TSPOAP1: variants seen among roughly 807,000 people sequenced by gnomAD.
TSPOAP1 encodes the protein peripheral-type benzodiazepine receptor-associated protein 1.
In TSPOAP1, 87 loss-of-function variants were observed where a neutral mutation model predicts 197.0. That is an observed-to-expected ratio of 0.44 (90% CI 0.37 to 0.53). The LOEUF is 0.53. Among genes scored for constraint, TSPOAP1 ranks in the 20% least tolerant of loss-of-function variants. The pLI is 0.00. For missense variants in TSPOAP1, 2,174 were observed against 2,411.3 expected (o/e 0.90, Z 2.06); for synonymous variants, 913 against 998.9 (o/e 0.91, Z 1.62).
chr17:58,305,922 T>A, intron 26 of TSPOAP1, 57 bp from the exon 27 acceptor site: 1 of 1,271,598 alleles, frequency 7.9e-7, no homozygotes, highest in Non-Finnish European at 1.1e-6. Flanking sequence ...AGGCTGCAGG[T>A]GCTGCAGCGC....
chr17:58,313,062 A>C (rs2680706), intron 16 of TSPOAP1, among the ~76,000 whole-genome samples: 1 of 152,036 alleles, frequency 6.6e-6, no homozygotes, highest in Non-Finnish European at 1.5e-5. Context: ...GGTGACACTC[A>C]AGCTGCAAGG....
At position 58,319,306 on chromosome 17, in the gene TSPOAP1, C is replaced by A; in HGVS notation, c.1495-12G>T. Reference sequence around the variant, plus strand: ...TCTCGAACCCGGGCCTGGGCCAAGACCCACCATGAGCCGCCAGGCCCCTCA... The same window carrying A: ...TCTCGAACCCGGGCCTGGGCCAAGAACCACCATGAGCCGCCAGGCCCCTCA... On this transcript the variant is annotated splice_polypyrimidine_tract_variant and intron_variant, in intron 12 of 31. Coordinates refer to ENST00000343736, the MANE Select transcript of TSPOAP1 (RefSeq NM_004758.4). 1.3e-6 allele frequency: 2 copies of A among 1,561,624 alleles called. No individual in the cohort carries two copies. The highest frequency in any genetic ancestry group is 2.4e-5 in the East Asian group (1 of 41,662).
Position 58,311,015 on chromosome 17 carries a change from G to A in TSPOAP1, c.3280C>T (p.Pro1094Ser), listed in dbSNP as rs377695692. 46 of 1,596,278 alleles carry A rather than the reference G, an allele frequency of 2.9e-5. No homozygotes were observed. Among genetic ancestry groups the A allele is most frequent in the African/African-American group, 1.1e-4 (8 of 74,708 alleles). The change falls in exon 19 of 32, where the codon CCA becomes TCA. Residue 1094 changes from proline to serine, a missense_variant. Physicochemically the swap from Pro to Ser is moderately conservative, Grantham distance 74. Around this residue, in one of 5 missense-constraint regions of TSPOAP1, gnomAD observed 1,933 missense variants for 2,139.0 expected, o/e 0.90. Transcript: ENST00000343736. ...AGGGGCGCTCTGGCCTCTGGGCTTG[G>A]GTGCGGTGAGGGGCAGGAGACTCGG... ...PARVSCPSPHPSPEARAPLAS... is the reference protein window; with the variant it reads ...PARVSCPSPHSSPEARAPLAS...
At position 58,316,412 on chromosome 17, in the gene TSPOAP1, G is replaced by A. The variant is rs1233165706; in HGVS notation, c.1988+13C>T. The A allele has an allele frequency of 6.2e-7, 1 of 1,603,962 alleles. No homozygotes were observed. Among genetic ancestry groups the A allele is most frequent in the East Asian group, 2.2e-5 (1 of 44,730 alleles). ...GGGGCTGGGCTAGGGGGCAGTGAGG[G>A]TGAGGGACCCACCTATAACGTGCTA... is the stretch of plus-strand genomic sequence containing the variant. On this transcript the variant is annotated intron_variant, in intron 15 of 31. Transcript: ENST00000343736.
At chr17:58,325,097 G>C in intron 4 of TSPOAP1, 95 bp from the exon 5 acceptor site, 1 of 1,132,568 alleles carries the variant, frequency 8.8e-7, no homozygotes, top group Non-Finnish European at 1.2e-6. Context: ...TGCTGGAGGG[G>C]CTCCGATGCG....
At position 58,326,473 on chromosome 17, in the gene TSPOAP1, C is replaced by G. The variant is rs747092600; in HGVS notation, c.442-52G>C. ...GCATGTAGGGAGCACCCCACAGACC[C>G]AGTCCTAACAGCCCAAGTCTTGGGC... is the stretch of plus-strand genomic sequence containing the variant. On this transcript the variant is annotated intron_variant, in intron 2 of 31. Transcript: ENST00000343736. This position sits in a 1 kb window ranked among gnomAD's most constrained non-coding sequence, Gnocchi z 4.7. The G allele has an allele frequency of 2.1e-5, 33 of 1,600,718 alleles. No homozygotes were observed. Among genetic ancestry groups the G allele is most frequent in the Non-Finnish European group, 4.3e-6 (5 of 1,173,686 alleles).
rs144106922 is a variant in TSPOAP1 at position 58,312,155 on chromosome 17, C to T, written c.2666G>A (p.Arg889Gln). The T allele has an allele frequency of 1.1e-3, 1,698 of 1,613,164 alleles. 7 individuals are homozygous for T. The Middle Eastern group carries it at 0.013, about 13-fold the overall frequency. ...AGATGTGGCTGTCAACCGATGGACC[C>T]GCAGCTGGCTGGGCACCACTCCGGC... is the stretch of plus-strand genomic sequence containing the variant. ...ARAGVVPSQL[R>Q]VHRLTATSAE... Residue 889 changes from arginine to glutamine, a missense_variant, in exon 17 of 32, where the codon CGG becomes CAG. Arg to Gln is a conservative substitution (Grantham distance 43, BLOSUM62 1). Coordinates refer to ENST00000343736, the MANE Select transcript of TSPOAP1 (RefSeq NM_004758.4).
At chr17:58,323,070 G>A in intron 7 of TSPOAP1, 31 bp from the exon 8 acceptor site, 1 of 1,586,682 alleles carries the variant, frequency 6.3e-7, no homozygotes, top group Non-Finnish European at 8.6e-7. Context: ...TCAGGAGGGA[G>A]CCCAGCACCC....
rs375720179 is a variant in TSPOAP1, at chr17:58,326,723, C to G, written c.401G>C (p.Arg134Pro). 6.2e-7 allele frequency: 1 copy of G among 1,614,058 alleles called. No individual in the cohort carries two copies. The highest frequency in any genetic ancestry group is 8.5e-7 in the Non-Finnish European group (1 of 1,180,018). Residue 134 changes from arginine (R) to proline (P), a missense_variant, in exon 2 of 32, where the codon CGG (arginine) becomes CCG (proline). By Grantham distance (103) the Arg-to-Pro change is moderately radical. This residue lies in a region of TSPOAP1 where 1,933 missense variants were observed against 2,139.0 expected (regional missense o/e 0.90). Transcript: ENST00000343736. This position sits in a 1 kb window ranked among gnomAD's most constrained non-coding sequence, Gnocchi z 4.7. ...CTCCTTAAGGATGGCACAGCGCTGC[C>G]GCAGCTCCCCCAGGGCCCTCAGCAG... ...LELLRALGEL[R>P]QRCAILKEEN...
In TSPOAP1 at chr17:58,311,277, C is replaced by T. The variant is rs2143037359; in HGVS notation, c.3082-64G>A. ...TGAGACAGCCAAGCGTGAGGATGCA[C>T]TGACAGCAGTGGCAGCTAACTGACA... On this transcript the variant is annotated intron_variant, in intron 18 of 31. Coordinates refer to ENST00000343736, the MANE Select transcript of TSPOAP1 (RefSeq NM_004758.4). The T allele has an allele frequency of 7.6e-6, 12 of 1,580,682 alleles. No individual in the cohort carries two copies. The South Asian group carries it at 1.2e-4, about 16-fold the overall frequency.
chr17:58,320,023 G>A, intron 12 of TSPOAP1, 86 bp downstream of exon 12: 1 of 1,524,296 alleles, frequency 6.6e-7, no homozygotes, highest in Admixed American at 1.7e-5. Context: ...TGCTGGATGA[G>A]AGAGGGGGAC....
At position 58,302,406 on chromosome 17, in the gene TSPOAP1, A is replaced by G. The variant is rs766160148; in HGVS notation, c.*74T>C. On this transcript the variant is annotated 3_prime_UTR_variant, in exon 32 of 32. Transcript: ENST00000343736. ...TGCCAGAGCTGGGGGTACAAGGCCC[A>G]CCTGGGGGCCCTGGGGACCCTTGTG... 5.5e-6 allele frequency: 7 copies of G among 1,283,104 alleles called. No homozygotes were observed. The allele number at this position is 1,283,104 out of a possible 1,614,324, so 79.5% of individuals were successfully genotyped here.
chr17:58,324,858 C>T lies in TSPOAP1; in HGVS notation c.895G>A (p.Ala299Thr). Residue 299 changes from alanine to threonine, a missense_variant, in exon 5 of 32, where the codon GCT (alanine) becomes ACT (threonine). This residue lies in a region of TSPOAP1 where 1,933 missense variants were observed against 2,139.0 expected (regional missense o/e 0.90). Transcript: ENST00000343736. This position sits in a 1 kb window ranked among gnomAD's most constrained non-coding sequence, Gnocchi z 5.8. Reference protein sequence around the residue: ...PLPPSWPPGPALQARAGAPAP... With the variant: ...PLPPSWPPGPTLQARAGAPAP... ...GGCGCCCCTGCTCTGGCCTGGAGAG[C>T]AGGGCCCGGGGGCCAGGACGGCGGG... 1 of 1,527,984 alleles carries T rather than the reference C, an allele frequency of 6.5e-7. No individual in the cohort carries two copies. The highest frequency in any genetic ancestry group is 8.8e-7 in the Non-Finnish European group (1 of 1,142,234). The allele number at this position is 1,527,984 out of a possible 1,614,324, so 94.7% of individuals were successfully genotyped here.
Position 58,311,137 on chromosome 17 carries a change from C to T in TSPOAP1, c.3158G>A (p.Arg1053His), listed in dbSNP as rs775134864. Residue 1053 changes from arginine to histidine, a missense_variant, in exon 19 of 32, where the codon CGT becomes CAT. This residue lies in a region of TSPOAP1 where 1,933 missense variants were observed against 2,139.0 expected (regional missense o/e 0.90). Transcript: ENST00000343736. ...LSQLQLLQVC[R>H]EVVVRTMSPH... ...CGACATGGTGCGCACGACCACCTCA[C>T]GACACACCTGCAGCAGCTGCAGCTG... 16 of 1,608,358 alleles carry T rather than the reference C, an allele frequency of 9.9e-6. No individual in the cohort carries two copies. The highest frequency in any genetic ancestry group is 8.0e-5 in the African/African-American group (6 of 74,802).
chr17:58,304,492 C>A lies in TSPOAP1; in HGVS notation c.5545-93G>T. ...AGGTGGCCCTGCGCAGGGGTGGGCC[C>A]TACTCTCCAAGGCCTTTGTGTTCAC... On this transcript the variant is annotated intron_variant, in intron 30 of 31. Transcript: ENST00000343736. The surrounding 1 kb of genome is among the most constrained non-coding windows in gnomAD (Gnocchi z 4.2). 1 of 1,034,254 alleles carries A rather than the reference C, an allele frequency of 9.7e-7. No homozygotes were observed. The highest frequency in any genetic ancestry group is 1.5e-6 in the Non-Finnish European group (1 of 654,494). 64.1% of individuals were successfully genotyped at this position (1,034,254 alleles called of 1,614,324 possible).
chr17:58,327,087 C>A (rs575086351), intron 1 of TSPOAP1, among the ~76,000 whole-genome samples: 4 of 152,176 alleles, frequency 2.6e-5, no homozygotes, highest in African/African-American at 9.7e-5. Context: ...ACTCCCATCC[C>A]TCCAGACTCC....
At chr17:58,320,018 G>T in intron 12 of TSPOAP1, 91 bp downstream of exon 12, 1 of 1,502,932 alleles carries the variant, frequency 6.7e-7, no homozygotes, top group Non-Finnish European at 9.3e-7. Context: ...CCCTCTGCTG[G>T]ATGAGAGAGG....
intron 1 of TSPOAP1, 49 bp downstream of exon 1, chr17:58,327,539 G>A (rs1349445563): frequency 6.4e-7 from 1 of 1,566,154 alleles, no homozygotes; most frequent in South Asian, 1.2e-5. Flanking sequence ...TGGAGGACAT[G>A]GTGAGAGACC....
At position 58,327,597 on chromosome 17, in the gene TSPOAP1, A is replaced by G. The variant is rs766208486; in HGVS notation, c.324T>C (p.Ala108=). 46 of 1,611,152 alleles carry G rather than the reference A, an allele frequency of 2.9e-5. No homozygotes were observed. Among genetic ancestry groups the G allele is most frequent in the Non-Finnish European group, 3.9e-5 (46 of 1,178,448 alleles). Residue 108 remains alanine, a synonymous_variant, in exon 1 of 32, where the codon GCT becomes GCC. Transcript: ENST00000343736. The part of the protein sequence containing the change: ...CQRPEDEEVE[A]FLKAKLNMSF... Reference sequence around the variant, plus strand: ...TCCACAGATCCCTTACCTTCAGGAAAGCCTCCACTTCCTCATCCTCTGGCC... The same window carrying G: ...TCCACAGATCCCTTACCTTCAGGAAGGCCTCCACTTCCTCATCCTCTGGCC...
Sources: gnomAD v4.1 joint callset for allele counts (sites outside exome capture counted in the v4.1 genomes callset) on GRCh38, gnomAD v4.1.1 for gene constraint, gnomAD v4.1.1 regional missense constraint, Gnocchi (gnomAD v3.1) non-coding constraint, MANE v1.5 for transcripts, NCBI Gene and HGNC (gene_info 2026-07-23, HGNC 2026-07-21) for gene names.